NDST3: variants seen among roughly 807,000 people sequenced by gnomAD.
The protein encoded by NDST3 is N-deacetylase and N-sulfotransferase 3.
A neutral mutation model predicts 96.1 loss-of-function variants in NDST3; 58 were observed. That is an observed-to-expected ratio of 0.60 (90% CI 0.49 to 0.75). NDST3 has a LOEUF of 0.75. NDST3 is among the 30% of genes least tolerant of loss of function. The pLI, the probability that NDST3 is intolerant of heterozygous loss-of-function variation, is 0.00. For missense variants in NDST3, 788 were observed against 1,034.2 expected (o/e 0.76, Z 3.27); for synonymous variants, 333 against 359.7 (o/e 0.93, Z 0.84).
At chr4:118,068,477 T>A (rs1175608559) in intron 2 of NDST3, among the ~76,000 whole-genome samples, 6 of 152,186 alleles carry the variant, frequency 3.9e-5, no homozygotes, top group Non-Finnish European at 8.8e-5. Context: ...GATGTTCAGA[T>A]GCATTTAATC....
intron 4 of NDST3, among the ~76,000 whole-genome samples, chr4:118,129,464 A>C (rs898760207): frequency 6.6e-6 from 1 of 151,972 alleles, no homozygotes; most frequent in Non-Finnish European, 1.5e-5. Context: ...ATTCAAGAGC[A>C]TATTGTTTAA....
chr4:118,127,085 T>C (rs1468329425), intron 4 of NDST3, among the ~76,000 whole-genome samples: 1 of 147,298 alleles, frequency 6.8e-6, no homozygotes, highest in African/African-American at 2.5e-5. Context: ...TTATATATTC[T>C]GGTTATTAAT....
chr4:118,040,688 T>C lies in NDST3; in HGVS notation c.-156+6096T>C, dbSNP rs554066528. On this transcript the variant is annotated intron_variant, in intron 1 of 13. Transcript: ENST00000296499. ...AACACTATTATAAGAGTTTGGTTTT[T>C]GTTGTTGCTTTTGAGACAGGATTTT... Among the ~76,000 whole-genome samples, 6 of 151,828 alleles carry C rather than the reference T, an allele frequency of 4.0e-5. No individual in the cohort carries two copies. In the South Asian group the frequency reaches 1.2e-3, roughly 32 times the overall value.
chr4:118,216,943 C>T (rs185602184), intron 6 of NDST3, among the ~76,000 whole-genome samples: 3 of 152,160 alleles, frequency 2.0e-5, no homozygotes, highest in African/African-American at 4.8e-5. Context: ...AGTTGAAAGG[C>T]CCATGCCAGC....
At chr4:118,059,040 A>G (rs1466793774) in intron 2 of NDST3, among the ~76,000 whole-genome samples, 1 of 152,138 alleles carries the variant, frequency 6.6e-6, no homozygotes, top group East Asian at 1.9e-4. Context: ...CTCTCAATGC[A>G]TAAAAGAGGT....
Position 118,240,698 on chromosome 4 carries a change from T to C in NDST3, c.2289+4T>C, listed in dbSNP as rs376038694. On this transcript the variant is annotated splice_donor_region_variant and intron_variant, in intron 11 of 13. Transcript: ENST00000296499. ...TGTTTATTTCCCCCCATTTCAGGTA[T>C]GGAGTAATAAGGATTTACATCATGT... is the stretch of plus-strand genomic sequence containing the variant. 7.2e-5 allele frequency: 116 copies of C among 1,612,278 alleles called. 1 individual carries two copies. In the African/African-American group the frequency reaches 1.5e-3, roughly 20 times the overall value.
intron 2 of NDST3, among the ~76,000 whole-genome samples, chr4:118,070,613 T>C (rs999342704): frequency 2.0e-5 from 3 of 152,002 alleles, no homozygotes; most frequent in African/African-American, 7.2e-5. Context: ...GTCATCTATG[T>C]GTTCAACCCT....
chr4:118,122,428 C>T lies in NDST3; in HGVS notation c.1224+7468C>T, dbSNP rs116765697. ...TTCACATGAGTGCTAACCTTGGCTC[C>T]GCTTTGGCATTTTTGTGTCTCCCAC... On this transcript the variant is annotated intron_variant, in intron 4 of 13. Transcript: ENST00000296499. Among the ~76,000 whole-genome samples the T allele has an allele frequency of 5.1e-3, 783 of 152,218 alleles. 8 individuals are homozygous for T. Among genetic ancestry groups the T allele is most frequent in the African/African-American group, 0.018 (741 of 41,512 alleles).
chr4:118,194,670 T>C lies in NDST3; in HGVS notation c.1540-29821T>C, dbSNP rs1737548095. ...GACCTTCAGCATGCCTTCCTCCTGTTTGGGCGAATGTCCACTCCCTCCATG... is the reference window on the plus strand; with the variant it reads ...GACCTTCAGCATGCCTTCCTCCTGTCTGGGCGAATGTCCACTCCCTCCATG... On this transcript the variant is annotated intron_variant, in intron 6 of 13. Transcript: ENST00000296499. 4.7e-6 allele frequency: 3 copies of C among 643,554 alleles called. No homozygotes were observed. The African/African-American group carries it at 5.4e-5, about 12-fold the overall frequency. 39.9% of individuals were successfully genotyped at this position (643,554 alleles called of 1,614,324 possible).
chr4:118,226,240 T>C (rs1739873203), intron 7 of NDST3, among the ~76,000 whole-genome samples: 1 of 152,206 alleles, frequency 6.6e-6, no homozygotes, highest in Non-Finnish European at 1.5e-5. Flanking sequence ...ATAGGACTTG[T>C]GCAGTGGATG....
chr4:118,079,520 A>G (rs1727842850), intron 2 of NDST3, among the ~76,000 whole-genome samples: 1 of 152,164 alleles, frequency 6.6e-6, no homozygotes, highest in Non-Finnish European at 1.5e-5. Context: ...GAGAGAGAAG[A>G]AAGGTCAGTG....
At position 118,255,621 on chromosome 4, in the gene NDST3, G is replaced by A. The variant is rs769804777; in HGVS notation, c.2531G>A (p.Arg844Gln). The A allele has an allele frequency of 7.7e-5, 125 of 1,613,306 alleles. 1 individual carries two copies. Among genetic ancestry groups the A allele is most frequent in the Non-Finnish European group, 9.2e-5 (108 of 1,179,622 alleles). ...AGGACATTTCTGTCAAGCTACTATCGAGATCACAACGTGGAACTCTCAAAG... is the reference window on the plus strand; with the variant it reads ...AGGACATTTCTGTCAAGCTACTATCAAGATCACAACGTGGAACTCTCAAAG... ...DSRTFLSSYYRDHNVELSKLL... is the reference protein window; with the variant it reads ...DSRTFLSSYYQDHNVELSKLL... Residue 844 changes from arginine (R) to glutamine (Q), a missense_variant, in exon 14 of 14, where the codon CGA (arginine) becomes CAA (glutamine). This residue lies in a region of NDST3 where 64 missense variants were observed against 68.5 expected (regional missense o/e 0.93). Transcript: ENST00000296499.
At chr4:118,190,594 A>C (rs1050778494) in intron 6 of NDST3, among the ~76,000 whole-genome samples, 12 of 152,194 alleles carry the variant, frequency 7.9e-5, no homozygotes, top group African/African-American at 2.7e-4. Flanking sequence ...TTTGCATACC[A>C]GGTATAGAGG....
intron 10 of NDST3, among the ~76,000 whole-genome samples, chr4:118,239,462 C>T (rs1194554185): frequency 6.6e-6 from 1 of 152,088 alleles, no homozygotes; most frequent in African/African-American, 2.4e-5. Flanking sequence ...AACCTGAAGC[C>T]ATCTTTTAAA....
intron 6 of NDST3, among the ~76,000 whole-genome samples, chr4:118,174,822 C>G (rs1423933756): frequency 6.6e-6 from 1 of 152,138 alleles, no homozygotes; most frequent in Non-Finnish European, 1.5e-5. Flanking sequence ...TCTTCGGTAG[C>G]TCATTTTAGA....
intron 6 of NDST3, among the ~76,000 whole-genome samples, chr4:118,181,196 CT>C (rs1736585953): frequency 6.6e-6 from 1 of 151,998 alleles, no homozygotes; most frequent in South Asian, 2.1e-4. Context: ...CAGAAGTCTC[CT>C]TTAGGTCTCT....
At chr4:118,114,602 C>A (rs906021993) in intron 3 of NDST3, among the ~76,000 whole-genome samples, 1 of 152,192 alleles carries the variant, frequency 6.6e-6, no homozygotes, top group African/African-American at 2.4e-5. Context: ...TGTTTAATAA[C>A]ATTTAAGAGT....
chr4:118,087,596 T>C (rs1178914001), intron 2 of NDST3, among the ~76,000 whole-genome samples: 2 of 152,258 alleles, frequency 1.3e-5, no homozygotes, highest in South Asian at 2.1e-4. Flanking sequence ...TCTACTAGAA[T>C]TGAAATTTTG....
rs765415139 is a variant in NDST3 at position 118,226,990 on chromosome 4, C to T, written c.1819+8C>T. On this transcript the variant is annotated splice_region_variant and intron_variant, in intron 8 of 13. Transcript: ENST00000296499. The stretch of plus-strand genomic sequence containing the variant: ...TAGGACCCCAGAAAACTGGTGAGAA[C>T]TTTTTATGTTATGATTAACGAGTGT... The T allele has an allele frequency of 1.3e-6, 2 of 1,575,556 alleles. No homozygotes were observed. The highest frequency in any genetic ancestry group is 1.7e-6 in the Non-Finnish European group (2 of 1,148,418).
Sources: gnomAD v4.1 joint callset for allele counts (sites outside exome capture counted in the v4.1 genomes callset) on GRCh38, gnomAD v4.1.1 for gene constraint, gnomAD v4.1.1 regional missense constraint, MANE v1.5 for transcripts, NCBI Gene and HGNC (gene_info 2026-07-23, HGNC 2026-07-21) for gene names.